The following OTUD7A variants were observed in gnomAD, a reference collection of about 807,000 sequenced individuals.
The protein encoded by OTUD7A is OTU deubiquitinase 7A.
A neutral mutation model predicts 65.7 loss-of-function variants in OTUD7A; 12 were observed. The observed-to-expected ratio is 0.18, with a 90% CI of 0.12 to 0.30. OTUD7A has a LOEUF of 0.30. Among genes scored for constraint, OTUD7A ranks in the 10% least tolerant of loss-of-function variants. The pLI is 1.00. For missense variants in OTUD7A, 1,148 were observed against 1,304.8 expected (o/e 0.88, Z 1.85); for synonymous variants, 641 against 586.3 (o/e 1.09, Z -1.35).
At position 31,477,919 on chromosome 15, in the gene OTUD7A, T is replaced by TA. The variant is rs1395011219; in HGVS notation, c.*5374dup. 1.3e-5 allele frequency: 2 copies of TA among 152,206 alleles called. No individual in the cohort carries two copies. Among genetic ancestry groups the TA allele is most frequent in the Non-Finnish European group, 2.9e-5 (2 of 68,064 alleles). The allele number at this position is 152,206 out of a possible 1,614,324, so 9.4% of individuals were successfully genotyped here. On this transcript the variant is annotated 3_prime_UTR_variant, in exon 13 of 13. Transcript: ENST00000307050. ...GGGAGGGTGGGGTGTGTTGTCCTTT[T>TA]AAATAAGTCAGGGAAGGCCTCGTTG...
chr15:31,799,059 T>C (rs1306250539), intron 1 of OTUD7A, among the ~76,000 whole-genome samples: 1 of 151,984 alleles, frequency 6.6e-6, no homozygotes, highest in African/African-American at 2.4e-5. Flanking sequence ...GAGACAGAGA[T>C]TTCTGAGCAG....
At chr15:31,627,568 T>C (rs918969503) in intron 3 of OTUD7A, among the ~76,000 whole-genome samples, 1 of 152,138 alleles carries the variant, frequency 6.6e-6, no homozygotes, top group African/African-American at 2.4e-5. Flanking sequence ...CATGTGTCTT[T>C]ATAGCAGCAT....
At chr15:31,856,598 T>A (rs1403506306) in intron 1 of OTUD7A, among the ~76,000 whole-genome samples, 1 of 152,152 alleles carries the variant, frequency 6.6e-6, no homozygotes, top group Non-Finnish European at 1.5e-5. Flanking sequence ...TCACAAAGTT[T>A]CCCCCAAACA....
chr15:31,794,628 A>C (rs1327362547), intron 1 of OTUD7A, among the ~76,000 whole-genome samples: 1 of 72,092 alleles, frequency 1.4e-5, no homozygotes, highest in African/African-American at 3.5e-5. Flanking sequence ...GGAATAGAAT[A>C]GTGAAAAAAA....
At chr15:31,529,273 A>G (rs1473139659) in intron 6 of OTUD7A, among the ~76,000 whole-genome samples, 1 of 152,184 alleles carries the variant, frequency 6.6e-6, no homozygotes, top group Non-Finnish European at 1.5e-5. Context: ...ATAACAGGGG[A>G]ATAGTTAATG....
At chr15:31,664,371 T>G (rs545434253) in intron 1 of OTUD7A, among the ~76,000 whole-genome samples, 1 of 151,442 alleles carries the variant, frequency 6.6e-6, no homozygotes, top group East Asian at 1.9e-4. Flanking sequence ...CTTGCAGGAG[T>G]AAGGTGGTAT....
intron 3 of OTUD7A, among the ~76,000 whole-genome samples, chr15:31,649,216 G>C (rs1266615392): frequency 6.6e-6 from 1 of 152,184 alleles, no homozygotes; most frequent in Non-Finnish European, 1.5e-5. Flanking sequence ...CTGTGCCAGA[G>C]AGCCAGACCC....
chr15:31,680,271 T>G (rs1371809508), intron 1 of OTUD7A, among the ~76,000 whole-genome samples: 1 of 152,214 alleles, frequency 6.6e-6, no homozygotes, highest in African/African-American at 2.4e-5. Context: ...TAATATAGAA[T>G]TGTAACTGTA....
chr15:31,598,769 G>C (rs915065848), intron 3 of OTUD7A, among the ~76,000 whole-genome samples: 1 of 152,176 alleles, frequency 6.6e-6, no homozygotes, highest in Admixed American at 6.5e-5. Context: ...TGAAATTCTC[G>C]CTGCTAGCAC....
intron 1 of OTUD7A, among the ~76,000 whole-genome samples, chr15:31,761,476 A>G (rs972024177): frequency 5.9e-5 from 9 of 152,156 alleles, no homozygotes; most frequent in Non-Finnish European, 1.2e-4. Context: ...AACGAAATAT[A>G]ACTTCACACC....
At chr15:31,670,225 T>C (rs1283655616) in intron 1 of OTUD7A, among the ~76,000 whole-genome samples, 1 of 151,774 alleles carries the variant, frequency 6.6e-6, no homozygotes, top group African/African-American at 2.4e-5. Flanking sequence ...CTATTGTGAA[T>C]ACTGCTGAAA....
intron 1 of OTUD7A, among the ~76,000 whole-genome samples, chr15:31,803,983 T>G (rs1896202456): frequency 6.6e-6 from 1 of 152,148 alleles, no homozygotes; most frequent in Non-Finnish European, 1.5e-5. Context: ...CTTAATCCCC[T>G]TATTGGTGGG....
At chr15:31,737,861 A>G (rs369940805) in intron 1 of OTUD7A, among the ~76,000 whole-genome samples, 1 of 152,238 alleles carries the variant, frequency 6.6e-6, no homozygotes, top group Non-Finnish European at 1.5e-5. Context: ...GGGAAGCTTC[A>G]GAATCATATG....
chr15:31,786,035 G>A (rs1395296437), intron 1 of OTUD7A, among the ~76,000 whole-genome samples: 1 of 152,020 alleles, frequency 6.6e-6, no homozygotes, highest in Non-Finnish European at 1.5e-5. Context: ...CATGGGAGGG[G>A]AAATCATAGC....
chr15:31,501,772 G>A lies in OTUD7A; in HGVS notation c.1089C>T (p.Cys363=). Residue 363 remains cysteine, a synonymous_variant, in exon 10 of 13, where the codon TGC becomes TGT. Transcript: ENST00000307050. ...GATCATAGGCCAGAACCAGAGGCGA[G>A]CAGTGGCATCTGTTGGGAGGGACCT... ...PLEVPPNRCH[C]SPLVLAYDQA... 6.2e-7 allele frequency: 1 copy of A among 1,614,166 alleles called. No individual in the cohort carries two copies. Among genetic ancestry groups the A allele is most frequent in the Non-Finnish European group, 8.5e-7 (1 of 1,179,982 alleles).
chr15:31,828,042 C>T (rs1896840654), intron 1 of OTUD7A, among the ~76,000 whole-genome samples: 1 of 152,022 alleles, frequency 6.6e-6, no homozygotes, highest in Non-Finnish European at 1.5e-5. Context: ...TATTTTGTGG[C>T]TTCCTGGTTA....
intron 1 of OTUD7A, among the ~76,000 whole-genome samples, chr15:31,834,409 TTTGTC>T (rs1226719235): frequency 3.3e-5 from 5 of 152,228 alleles, no homozygotes; most frequent in African/African-American, 1.2e-4. Context: ...TTTGTTTTGT[TTTGTC>T]TTTAAATTAA....
rs867986194 is a variant in OTUD7A at position 31,599,109 on chromosome 15, G to A, written c.152-28912C>T. Reference sequence around the variant, plus strand: ...GCAGACTTAAATATCCCTGCCTGACGGCTCTGAAGAGAGCAGTGGACCTCC... The same window carrying A: ...GCAGACTTAAATATCCCTGCCTGACAGCTCTGAAGAGAGCAGTGGACCTCC... On this transcript the variant is annotated intron_variant, in intron 3 of 12. Transcript: ENST00000307050. Among the ~76,000 whole-genome samples the A allele has an allele frequency of 9.2e-5, 14 of 152,342 alleles. 1 individual carries two copies. The highest frequency in any genetic ancestry group is 3.4e-3 in the Middle Eastern group (1 of 294).
intron 9 of OTUD7A, 35 bp from the exon 10 acceptor site, chr15:31,501,874 C>T (rs1055984526): frequency 1.3e-6 from 2 of 1,576,636 alleles, no homozygotes; most frequent in Non-Finnish European, 8.6e-7. Context: ...GTGTGAGGAG[C>T]AGCCAGCTCG....
Sources: allele counts gnomAD v4.1 joint callset (sites outside exome capture counted in the v4.1 genomes callset), GRCh38; gene constraint gnomAD v4.1.1; transcripts MANE v1.5; gene names NCBI Gene and HGNC (gene_info 2026-07-23, HGNC 2026-07-21).